Variants in CCSER1 observed in about 807,000 individuals in gnomAD.
CCSER1 encodes the protein coiled-coil serine rich protein 1, also known as serine-rich coiled-coil domain-containing protein 1.
A neutral mutation model predicts 82.0 loss-of-function variants in CCSER1; 41 were observed. The observed-to-expected ratio is 0.50, with a 90% CI of 0.39 to 0.65. The LOEUF (loss-of-function observed/expected upper bound fraction) is 0.65. Ranked by LOEUF, CCSER1 falls within the 30% of genes least tolerant of loss-of-function variation. CCSER1 has a pLI of 0.00. For synonymous variants in CCSER1, 414 were observed against 383.9 expected, an observed-to-expected ratio of 1.08 and a Z score of -0.92; for missense variants, 1,119 against 1,064.2, an observed-to-expected ratio of 1.05 and a Z score of -0.72.
At chr4:90,248,011 C>T (rs919310701) in intron 1 of CCSER1, among the ~76,000 whole-genome samples, 5 of 151,946 alleles carry the variant, frequency 3.3e-5, no homozygotes, top group African/African-American at 1.2e-4. Flanking sequence ...AAAATTATTT[C>T]AGCTGTCTAC....
chr4:91,148,097 C>T (rs982274835), intron 10 of CCSER1, among the ~76,000 whole-genome samples: 17 of 152,132 alleles, frequency 1.1e-4, no homozygotes, highest in African/African-American at 3.9e-4. Flanking sequence ...AGAATCAAAA[C>T]GGCTCCTATA....
At chr4:91,336,145 A>G (rs34594961) in intron 10 of CCSER1, among the ~76,000 whole-genome samples, 47,092 of 151,936 alleles carry the variant, frequency 0.31, 7,925 homozygotes, top group Middle Eastern at 0.42. Context: ...ATGCACATTC[A>G]TTAACTGTTG....
chr4:91,540,647 C>T (rs1761540468), intron 10 of CCSER1, among the ~76,000 whole-genome samples: 1 of 152,030 alleles, frequency 6.6e-6, no homozygotes, highest in Non-Finnish European at 1.5e-5. Flanking sequence ...AGGTTTTCTT[C>T]TGTTATCTTC....
At chr4:91,284,908 T>C (rs573682934) in intron 10 of CCSER1, among the ~76,000 whole-genome samples, 14 of 152,194 alleles carry the variant, frequency 9.2e-5, no homozygotes, top group African/African-American at 3.1e-4. Flanking sequence ...TGCAGGACTT[T>C]CCACCATGAT....
intron 10 of CCSER1, among the ~76,000 whole-genome samples, chr4:91,507,490 G>A (rs187437433): frequency 2.0e-5 from 3 of 151,816 alleles, no homozygotes; most frequent in East Asian, 3.9e-4. Context: ...GTGCAGTGAC[G>A]CGATCTCGGC....
chr4:90,427,717 T>C (rs1192790090), intron 4 of CCSER1, among the ~76,000 whole-genome samples: 1 of 151,698 alleles, frequency 6.6e-6, no homozygotes, highest in Non-Finnish European at 1.5e-5. Flanking sequence ...CAAATGTAGA[T>C]CTAAAATTCC....
intron 3 of CCSER1, among the ~76,000 whole-genome samples, chr4:90,360,386 C>T (rs1462105525): frequency 3.3e-5 from 5 of 149,856 alleles, no homozygotes; most frequent in Admixed American, 2.0e-4. Context: ...AAAAATTAGC[C>T]GGGTGTGGTG....
chr4:91,184,859 G>T (rs6833865), intron 10 of CCSER1, among the ~76,000 whole-genome samples: 1 of 152,002 alleles, frequency 6.6e-6, no homozygotes, highest in African/African-American at 2.4e-5. Context: ...ATTGTTCTGG[G>T]ATTAGAACTT....
Position 90,324,496 on chromosome 4 carries a change from C to T in CCSER1, c.1509+11449C>T, listed in dbSNP as rs1397839299. The stretch of plus-strand genomic sequence containing the variant: ...TTGAGAAGTGTCTGTTCATGTCCTT[C>T]GCCCACTTTTTGATGGGGTTGTTTG... On this transcript the variant is annotated intron_variant, in intron 3 of 10. Coordinates refer to ENST00000509176, the MANE Select transcript of CCSER1 (RefSeq NM_001145065.2). 4.2e-3 allele frequency among the ~76,000 whole-genome samples: 626 copies of T among 149,922 alleles called. 4 individuals are homozygous for T. The highest frequency in any genetic ancestry group is 0.017 in the Middle Eastern group (5 of 290).
chr4:90,580,412 C>T (rs1371152062), intron 5 of CCSER1, among the ~76,000 whole-genome samples: 1 of 152,144 alleles, frequency 6.6e-6, no homozygotes, highest in Non-Finnish European at 1.5e-5. Flanking sequence ...GAGTCATGTA[C>T]TTAAGTATGC....
rs867957384 is a variant in CCSER1 at position 91,365,161 on chromosome 4, T to G, written c.2218-233411T>G. Reference sequence around the variant, plus strand: ...CATTTCTGTTATTTATGAGAGGCTTTCAGTGTATTTTTCACATATGTATTA... The same window carrying G: ...CATTTCTGTTATTTATGAGAGGCTTGCAGTGTATTTTTCACATATGTATTA... On this transcript the variant is annotated intron_variant, in intron 10 of 10. Coordinates refer to ENST00000509176, the MANE Select transcript of CCSER1 (RefSeq NM_001145065.2). Among the ~76,000 whole-genome samples the G allele has an allele frequency of 8.5e-5, 13 of 152,326 alleles. No homozygotes were observed. The Middle Eastern group carries it at 0.01, about 120-fold the overall frequency.
At chr4:91,214,282 T>C (rs759674153) in intron 10 of CCSER1, among the ~76,000 whole-genome samples, 1 of 152,166 alleles carries the variant, frequency 6.6e-6, no homozygotes, top group Non-Finnish European at 1.5e-5. Context: ...CCCACATAAA[T>C]ATGTAGGTAT....
chr4:90,487,047 G>T (rs1264298859), intron 5 of CCSER1, among the ~76,000 whole-genome samples: 1 of 152,226 alleles, frequency 6.6e-6, no homozygotes, highest in South Asian at 2.1e-4. Flanking sequence ...GAGTAGCTGG[G>T]ATTACAGGGG....
chr4:90,454,621 C>G (rs926051176), intron 4 of CCSER1, among the ~76,000 whole-genome samples: 1 of 152,062 alleles, frequency 6.6e-6, no homozygotes, highest in African/African-American at 2.4e-5. Flanking sequence ...TTATTATCCT[C>G]CAATGATACT....
Position 90,309,053 on chromosome 4 carries a change from C to A in CCSER1, c.769C>A (p.Pro257Thr). Residue 257 changes from proline to threonine, a missense_variant, in exon 2 of 11, where the codon CCT (proline) becomes ACT (threonine). Pro to Thr is a conservative substitution (Grantham distance 38). Coordinates refer to ENST00000509176, the MANE Select transcript of CCSER1 (RefSeq NM_001145065.2). Reference protein sequence around the residue: ...LSADLTTAQTPSEFLALTEDS... With the variant: ...LSADLTTAQTTSEFLALTEDS... Reference sequence around the variant, plus strand: ...TGCTGATCTTACCACAGCTCAGACACCTTCAGAATTTTTAGCCTTGACTGA... The same window carrying A: ...TGCTGATCTTACCACAGCTCAGACAACTTCAGAATTTTTAGCCTTGACTGA... The A allele has an allele frequency of 6.2e-7, 1 of 1,613,844 alleles. No individual in the cohort carries two copies.
chr4:91,286,010 T>C (rs1743249875), intron 10 of CCSER1, among the ~76,000 whole-genome samples: 2 of 151,716 alleles, frequency 1.3e-5, no homozygotes, highest in African/African-American at 2.4e-5. Flanking sequence ...CAAGGTGTGA[T>C]GAATACTTTC....
chr4:90,490,714 G>C (rs1015984588), intron 5 of CCSER1, among the ~76,000 whole-genome samples: 38 of 152,066 alleles, frequency 2.5e-4, no homozygotes, highest in African/African-American at 8.0e-4. Flanking sequence ...TTTAAGGAAG[G>C]GATCCAGTTT....
intron 7 of CCSER1, among the ~76,000 whole-genome samples, chr4:90,774,548 G>A (rs1225629492): frequency 6.6e-6 from 1 of 152,024 alleles, no homozygotes; most frequent in African/African-American, 2.4e-5. Flanking sequence ...GTACCTGTAT[G>A]CCACAACAGT....
At chr4:91,149,277 C>T (rs1044093892) in intron 10 of CCSER1, among the ~76,000 whole-genome samples, 1 of 152,202 alleles carries the variant, frequency 6.6e-6, no homozygotes, top group Admixed American at 6.5e-5. Flanking sequence ...GCATAAATGT[C>T]TTCTTTGGAG....
Sources: gnomAD v4.1 joint callset for allele counts (sites outside exome capture counted in the v4.1 genomes callset) on GRCh38, gnomAD v4.1.1 for gene constraint, MANE v1.5 for transcripts, NCBI Gene and HGNC (gene_info 2026-07-23, HGNC 2026-07-21) for gene names.